The following ANK3 variants were observed in gnomAD, a reference collection of about 807,000 sequenced individuals.
The protein encoded by ANK3 is ankyrin-3.
ANK3 carries 57 observed loss-of-function variants against 370.9 expected under a neutral mutation model. The ratio of observed to expected loss-of-function variants is 0.15; its 90% confidence interval spans 0.12 to 0.19. ANK3 has a LOEUF of 0.19. ANK3 is among the 10% of genes least tolerant of loss of function. The probability of loss-of-function intolerance (pLI) is 1.00; values close to 1 mark genes in which losing one functional copy is unlikely to be tolerated. For missense variants in ANK3, 4,439 were observed against 5,302.1 expected (o/e 0.84, Z 5.06); for synonymous variants, 1,929 against 1,946.3 (o/e 0.99, Z 0.23).
chr10:60,639,696 T>C (rs977782287), intron 1 of ANK3, among the ~76,000 whole-genome samples: 1 of 151,708 alleles, frequency 6.6e-6, no homozygotes, highest in Non-Finnish European at 1.5e-5. Flanking sequence ...CTAAAGTAAA[T>C]AACTACTAAA....
At chr10:60,242,638 C>T (rs945533563) in intron 7 of ANK3, among the ~76,000 whole-genome samples, 2 of 152,170 alleles carry the variant, frequency 1.3e-5, no homozygotes, top group Non-Finnish European at 2.9e-5. Context: ...TGAGAATGTG[C>T]CTTATCCTTA....
chr10:60,458,971 G>T (rs914386772), intron 2 of ANK3, among the ~76,000 whole-genome samples: 1 of 152,070 alleles, frequency 6.6e-6, no homozygotes, highest in East Asian at 1.9e-4. Flanking sequence ...AAATGTTGAT[G>T]ACATTTATTC....
chr10:60,499,309 A>G (rs1184278451), intron 2 of ANK3, among the ~76,000 whole-genome samples: 1 of 152,162 alleles, frequency 6.6e-6, no homozygotes, highest in Non-Finnish European at 1.5e-5. Flanking sequence ...TAGCTAACTC[A>G]TATTCAGCTG....
chr10:60,211,828 A>G lies in ANK3; in HGVS notation c.996+1584T>C, dbSNP rs373103596. Among the ~76,000 whole-genome samples, 141 of 146,078 alleles carry G rather than the reference A, an allele frequency of 9.7e-4. 1 individual carries two copies. The highest frequency in any genetic ancestry group is 3.6e-3 in the African/African-American group (138 of 38,778). ...TACACTCTTTAGAGCTGCCACTCAC[A>G]TGTTTGTGCCTGACACAATTAGGTA... On this transcript the variant is annotated intron_variant, in intron 9 of 43. Transcript: ENST00000280772.
chr10:60,415,102 T>C (rs554646373), intron 2 of ANK3, among the ~76,000 whole-genome samples: 1 of 152,162 alleles, frequency 6.6e-6, no homozygotes, highest in African/African-American at 2.4e-5. Context: ...AACCAGATTG[T>C]ATTGTCAGCT....
intron 2 of ANK3, among the ~76,000 whole-genome samples, chr10:60,444,396 A>G (rs2064382349): frequency 6.7e-6 from 1 of 150,348 alleles, no homozygotes; most frequent in Non-Finnish European, 1.5e-5. Context: ...TAACATATAT[A>G]ATACATAAAA....
intron 1 of ANK3, among the ~76,000 whole-genome samples, chr10:60,384,654 A>G (rs778476049): frequency 1.3e-5 from 2 of 152,178 alleles, no homozygotes; most frequent in Non-Finnish European, 2.9e-5. Flanking sequence ...GATAATAAAA[A>G]AATACTTTCT....
intron 16 of ANK3, among the ~76,000 whole-genome samples, chr10:60,193,909 T>C (rs1346968243): frequency 1.3e-5 from 2 of 152,096 alleles, no homozygotes; most frequent in Non-Finnish European, 2.9e-5. Context: ...TCACTTGAGG[T>C]TGCGAGTTTG....
At chr10:60,594,983 A>T (rs1267995466) in intron 2 of ANK3, among the ~76,000 whole-genome samples, 2 of 152,172 alleles carry the variant, frequency 1.3e-5, no homozygotes, top group African/African-American at 4.8e-5. Context: ...ACTTCCAACA[A>T]GGTAAGTATC....
chr10:60,038,129 G>A (rs568955112), intron 43 of ANK3, among the ~76,000 whole-genome samples: 1 of 152,328 alleles, frequency 6.6e-6, no homozygotes, highest in South Asian at 2.1e-4. Flanking sequence ...GGGCACAGTG[G>A]CTCACGCCCG....
chr10:60,707,910 GAA>G (rs893627253), intron 1 of ANK3, among the ~76,000 whole-genome samples: 2 of 151,906 alleles, frequency 1.3e-5, no homozygotes, highest in Admixed American at 1.3e-4. Flanking sequence ...CAACAAAAAG[GAA>G]AAAAAGGGAA....
chr10:60,391,950 G>C (rs1227854531), upstream of ANK3, among the ~76,000 whole-genome samples: 1 of 152,066 alleles, frequency 6.6e-6, no homozygotes, highest in Non-Finnish European at 1.5e-5. Context: ...AAATCCTAAG[G>C]TATAGCTTGC....
intron 1 of ANK3, among the ~76,000 whole-genome samples, chr10:60,693,176 C>T (rs915120795): frequency 1.3e-5 from 2 of 152,184 alleles, no homozygotes; most frequent in African/African-American, 2.4e-5. Context: ...ACTCCCACCC[C>T]GAATACTGCA....
chr10:60,568,738 C>T (rs1013401005), intron 2 of ANK3, among the ~76,000 whole-genome samples: 1 of 151,896 alleles, frequency 6.6e-6, no homozygotes, highest in Non-Finnish European at 1.5e-5. Context: ...TCCCCTCAAC[C>T]CCCCAAATTT....
At position 60,073,879 on chromosome 10, in the gene ANK3, G is replaced by T. The variant is rs369714799; in HGVS notation, c.7002C>A (p.Ile2334=). ...TGGGCTCAGCTTGGTTACCTTTTTC[G>T]ATGTGGACTTCTATTATACGCTCCA... ...PKLERIIEVH[I]EKGNQAEPTE... is the part of the protein sequence containing the mutation. The change falls in exon 37 of 44, where the codon ATC becomes ATA. Residue 2334 remains isoleucine (I), a synonymous_variant. Transcript: ENST00000280772. 1 of 1,613,484 alleles carries T rather than the reference G, an allele frequency of 6.2e-7. No homozygotes were observed. Among genetic ancestry groups the T allele is most frequent in the Non-Finnish European group, 8.5e-7 (1 of 1,179,950 alleles).
chr10:60,517,117 T>C (rs1035997516), intron 2 of ANK3, among the ~76,000 whole-genome samples: 1 of 152,104 alleles, frequency 6.6e-6, no homozygotes, highest in African/African-American at 2.4e-5. Context: ...CAGGCTGAAG[T>C]GCACTGGCGC....
At chr10:60,402,964 C>T (rs2063382825) in intron 2 of ANK3, among the ~76,000 whole-genome samples, 1 of 151,678 alleles carries the variant, frequency 6.6e-6, no homozygotes, top group Admixed American at 6.6e-5. Flanking sequence ...GTAACTGATA[C>T]CAAAAAAGGC....
intron 2 of ANK3, among the ~76,000 whole-genome samples, chr10:60,461,747 G>A (rs186780960): frequency 2.8e-4 from 42 of 152,214 alleles, no homozygotes; most frequent in Non-Finnish European, 5.9e-4. Flanking sequence ...CTGCAAACTC[G>A]GATTGGGCAA....
At chr10:60,649,828 A>G (rs1281724634) in intron 1 of ANK3, among the ~76,000 whole-genome samples, 1 of 152,216 alleles carries the variant, frequency 6.6e-6, no homozygotes, top group Non-Finnish European at 1.5e-5. Flanking sequence ...GGTTCATGAT[A>G]GGATTATATC....
Sources: allele counts gnomAD v4.1 joint callset (sites outside exome capture counted in the v4.1 genomes callset), GRCh38; gene constraint gnomAD v4.1.1; transcripts MANE v1.5; gene names NCBI Gene and HGNC (gene_info 2026-07-23, HGNC 2026-07-21).